SMOC2: variants seen among roughly 807,000 people sequenced by gnomAD.
SMOC2 encodes the protein SPARC related modular calcium binding 2, also known as SPARC-related modular calcium-binding protein 2.
In SMOC2, 39 loss-of-function variants were observed where a neutral mutation model predicts 61.4. The observed-to-expected ratio is 0.64, with a 90% CI of 0.49 to 0.83. The LOEUF is 0.83. Ranked by LOEUF, SMOC2 falls within the 40% of genes least tolerant of loss-of-function variation. SMOC2 has a pLI of 0.00. For missense variants in SMOC2, 556 were observed against 592.9 expected, an observed-to-expected ratio of 0.94 and a Z score of 0.65; for synonymous variants, 247 against 239.9, an observed-to-expected ratio of 1.03 and a Z score of -0.27.
intron 11 of SMOC2, among the ~76,000 whole-genome samples, chr6:168,656,106 C>T (rs1480626204): frequency 6.6e-6 from 1 of 152,222 alleles, no homozygotes; most frequent in Non-Finnish European, 1.5e-5. Context: ...GTAGACACCG[C>T]TCAAATCTCT....
intron 1 of SMOC2, among the ~76,000 whole-genome samples, chr6:168,489,703 C>T (rs563020954): frequency 1.3e-5 from 2 of 150,890 alleles, no homozygotes; most frequent in Non-Finnish European, 2.9e-5. Flanking sequence ...TATATCAAAT[C>T]GTCTGGGTCC....
intron 4 of SMOC2, among the ~76,000 whole-genome samples, chr6:168,528,534 A>T (rs1484773956): frequency 2.6e-5 from 4 of 152,162 alleles, no homozygotes; most frequent in Non-Finnish European, 5.9e-5. Context: ...TTACCTTTTG[A>T]TTTATTTTTC....
chr6:168,659,743 T>G (rs1269243435), intron 11 of SMOC2, among the ~76,000 whole-genome samples: 16 of 149,860 alleles, frequency 1.1e-4, no homozygotes, highest in African/African-American at 3.7e-4. Context: ...GTAGGTTGGG[T>G]GAGGATGGAG....
intron 7 of SMOC2, among the ~76,000 whole-genome samples, chr6:168,595,166 C>G (rs62422509): frequency 3.5e-5 from 3 of 85,868 alleles, no homozygotes; most frequent in South Asian, 4.0e-4. Context: ...AGAGGATCGC[C>G]GAGCTCCTCC....
At chr6:168,599,030 C>G (rs777219083) in intron 8 of SMOC2, 26 bp downstream of exon 8, 144 of 1,547,178 alleles carry the variant, frequency 9.3e-5, no homozygotes, top group Non-Finnish European at 1.2e-4. Flanking sequence ...CCACCCCCCC[C>G]GGGACCATGG....
intron 6 of SMOC2, among the ~76,000 whole-genome samples, chr6:168,548,848 T>C (rs1784066900): frequency 6.6e-6 from 1 of 152,232 alleles, no homozygotes; most frequent in Non-Finnish European, 1.5e-5. Context: ...ACTGGGTATT[T>C]TTCTAAAATC....
intron 7 of SMOC2, among the ~76,000 whole-genome samples, chr6:168,581,318 A>C (rs1472583387): frequency 6.6e-6 from 1 of 152,252 alleles, no homozygotes; most frequent in Non-Finnish European, 1.5e-5. Flanking sequence ...TTCTAAAAAA[A>C]AAATGAAAAC....
rs1781197938 is a variant in SMOC2, at chr6:168,441,265, G to GC, written c.-102dup. On this transcript the variant is annotated 5_prime_UTR_variant, in exon 1 of 13. Coordinates refer to ENST00000356284, the MANE Select transcript of SMOC2 (RefSeq NM_001166412.2). Reference sequence around the variant, plus strand: ...GCGGTGGGGAGAGCATCGCGGAGCCGCCCCTCCACGCGCCCGCCCAGCCGC... The same window carrying GC: ...GCGGTGGGGAGAGCATCGCGGAGCCGCCCCCTCCACGCGCCCGCCCAGCCGC... The GC allele has an allele frequency of 3.6e-5, 50 of 1,372,018 alleles. No individual in the cohort carries two copies. Among genetic ancestry groups the GC allele is most frequent in the Non-Finnish European group, 4.6e-5 (49 of 1,072,294 alleles). The allele number at this position is 1,372,018 out of a possible 1,614,324, so 85.0% of individuals were successfully genotyped here.
intron 9 of SMOC2, among the ~76,000 whole-genome samples, chr6:168,625,286 C>T (rs935291276): frequency 1.3e-5 from 2 of 152,176 alleles, no homozygotes; most frequent in South Asian, 2.1e-4. Context: ...TGGATCGCAG[C>T]GCTGCAGAGT....
chr6:168,498,532 C>T (rs899937659), intron 1 of SMOC2, among the ~76,000 whole-genome samples: 4 of 152,178 alleles, frequency 2.6e-5, no homozygotes, highest in African/African-American at 4.8e-5. Flanking sequence ...TAAAAGAGGT[C>T]AGGTCATTGG....
At chr6:168,519,624 T>G (rs1562567558) in intron 2 of SMOC2, among the ~76,000 whole-genome samples, 1 of 152,104 alleles carries the variant, frequency 6.6e-6, no homozygotes, top group Non-Finnish European at 1.5e-5. Flanking sequence ...CTTGTTTGCT[T>G]TAGTGGCACC....
chr6:168,552,827 A>AC (rs1441065795), intron 7 of SMOC2, among the ~76,000 whole-genome samples: 56 of 27,852 alleles, frequency 2.0e-3, no homozygotes, highest in East Asian at 0.011. Context: ...AGACCCCCCC[A>AC]CCCCCCCACC....
intron 4 of SMOC2, among the ~76,000 whole-genome samples, chr6:168,531,562 G>A (rs1422077444): frequency 6.6e-6 from 1 of 152,158 alleles, no homozygotes; most frequent in East Asian, 1.9e-4. Context: ...GACCCAGGGG[G>A]GATTTGGGGA....
rs1249937264 is a variant in SMOC2, at chr6:168,608,270, C to T, written c.907+31C>T. 7 of 1,594,990 alleles carry T rather than the reference C, an allele frequency of 4.4e-6. No individual in the cohort carries two copies. The Admixed American group carries it at 1.0e-4, about 24-fold the overall frequency. Reference sequence around the variant, plus strand: ...CAGCACCCGCGAGTGTGGCCCGAATCCACAGGCCCCACCATGCAGTTTCTT... The same window carrying T: ...CAGCACCCGCGAGTGTGGCCCGAATTCACAGGCCCCACCATGCAGTTTCTT... On this transcript the variant is annotated intron_variant, in intron 9 of 12. Transcript: ENST00000356284.
At chr6:168,537,670 C>T (rs1783764667) in intron 4 of SMOC2, among the ~76,000 whole-genome samples, 2 of 152,258 alleles carry the variant, frequency 1.3e-5, no homozygotes, top group African/African-American at 4.8e-5. Context: ...CCTAAGAACA[C>T]AGGACCGCTG....
chr6:168,527,779 C>T lies in SMOC2; in HGVS notation c.463+52C>T, dbSNP rs551405227. On this transcript the variant is annotated intron_variant, in intron 4 of 12. Coordinates refer to ENST00000356284, the MANE Select transcript of SMOC2 (RefSeq NM_001166412.2). ...GAAGGCTTGAAGGGAATTGGTTTGC[C>T]GTTTCTTCTCATCATCTTCCCTGGG... is the stretch of plus-strand genomic sequence containing the variant. 20 of 1,224,880 alleles carry T rather than the reference C, an allele frequency of 1.6e-5. No individual in the cohort carries two copies. The African/African-American group carries it at 1.8e-4, about 11-fold the overall frequency. 75.9% of individuals were successfully genotyped at this position (1,224,880 alleles called of 1,614,324 possible). A position where few individuals can be genotyped will look rare whatever the true frequency, so the allele number is the denominator to read the frequency against.
At chr6:168,457,831 A>G (rs1781623359) in intron 1 of SMOC2, among the ~76,000 whole-genome samples, 1 of 151,892 alleles carries the variant, frequency 6.6e-6, no homozygotes, top group South Asian at 2.1e-4. Flanking sequence ...CTTTCTAATG[A>G]GTCTAATAGA....
rs148655747 is a variant in SMOC2, at chr6:168,492,247, G to A, written c.85-17668G>A. 2.1e-3 allele frequency among the ~76,000 whole-genome samples: 313 copies of A among 152,280 alleles called. 1 individual carries two copies. Among genetic ancestry groups the A allele is most frequent in the Non-Finnish European group, 3.7e-3 (250 of 68,028 alleles). Reference sequence around the variant, plus strand: ...AATTTGCCAAGCACATGAGAATACCGTTGGCTGGCCCCATCCTCTCCAAGA... The same window carrying A: ...AATTTGCCAAGCACATGAGAATACCATTGGCTGGCCCCATCCTCTCCAAGA... On this transcript the variant is annotated intron_variant, in intron 1 of 12. Transcript: ENST00000356284.
intron 1 of SMOC2, among the ~76,000 whole-genome samples, chr6:168,447,108 A>G (rs1781348139): frequency 6.6e-6 from 1 of 152,104 alleles, no homozygotes; most frequent in Admixed American, 6.6e-5. Context: ...GCTCTGTCCC[A>G]TAGGCTGGAG....
Sources: allele counts gnomAD v4.1 joint callset (sites outside exome capture counted in the v4.1 genomes callset), GRCh38; gene constraint gnomAD v4.1.1; transcripts MANE v1.5; gene names NCBI Gene and HGNC (gene_info 2026-07-23, HGNC 2026-07-21).